Variants in GALNT13 observed in about 807,000 individuals in gnomAD.
The protein encoded by GALNT13 is polypeptide N-acetylgalactosaminyltransferase 13.
GALNT13 carries 28 observed loss-of-function variants against 64.2 expected under a neutral mutation model. The ratio of observed to expected loss-of-function variants is 0.44; its 90% CI spans 0.32 to 0.60. The LOEUF is 0.60. Ranked by LOEUF, GALNT13 falls within the 20% of genes least tolerant of loss-of-function variation. The probability of loss-of-function intolerance (pLI) is 0.05; values close to 1 mark genes in which losing one functional copy is unlikely to be tolerated. For synonymous variants in GALNT13, 214 were observed against 224.6 expected, an observed-to-expected ratio of 0.95 and a Z score of 0.42; for missense variants, 577 against 669.8, an observed-to-expected ratio of 0.86 and a Z score of 1.53.
intron 4 of GALNT13, among the ~76,000 whole-genome samples, chr2:154,185,192 G>T (rs899068489): frequency 2.6e-5 from 4 of 152,064 alleles, no homozygotes; most frequent in African/African-American, 9.7e-5. Flanking sequence ...GACATGCAGA[G>T]TGTTGGCTGA....
chr2:154,305,791 T>G (rs545091397), intron 9 of GALNT13, among the ~76,000 whole-genome samples: 5 of 152,360 alleles, frequency 3.3e-5, no homozygotes, highest in African/African-American at 9.6e-5. Context: ...CCTTGAAGTT[T>G]GATAACATGG....
the GALNT13 span, among the ~76,000 whole-genome samples, chr2:153,360,587 A>T: frequency 1.3e-5 from 2 of 152,080 alleles, no homozygotes; most frequent in Non-Finnish European, 2.9e-5. Context: ...AGCCCAACAC[A>T]CCAGCTGTGG....
chr2:153,338,706 C>T, the GALNT13 span, among the ~76,000 whole-genome samples: 1 of 152,124 alleles, frequency 6.6e-6, no homozygotes, highest in Admixed American at 6.5e-5. Context: ...CCACAATGTA[C>T]AATAGAGCTC....
chr2:153,798,779 C>T, the GALNT13 span, among the ~76,000 whole-genome samples: 18 of 152,120 alleles, frequency 1.2e-4, no homozygotes, highest in Admixed American at 9.2e-4. Flanking sequence ...TGTCATACTT[C>T]TGGTGTATTT....
At chr2:154,280,468 C>T (rs1328627689) in intron 8 of GALNT13, among the ~76,000 whole-genome samples, 1 of 152,128 alleles carries the variant, frequency 6.6e-6, no homozygotes, top group Admixed American at 6.6e-5. Flanking sequence ...AAATTTATCA[C>T]AATTCTCTAC....
At chr2:153,989,059 T>A (rs1694993827) in intron 3 of GALNT13, among the ~76,000 whole-genome samples, 1 of 60,554 alleles carries the variant, frequency 1.7e-5, no homozygotes, top group African/African-American at 6.7e-5. Context: ...TACATATTAC[T>A]GTTACATTTT....
intron 11 of GALNT13, among the ~76,000 whole-genome samples, chr2:154,429,777 C>T (rs1033961330): frequency 2.0e-5 from 3 of 152,158 alleles, no homozygotes; most frequent in Admixed American, 1.3e-4. Context: ...CAGGCTGATT[C>T]TCTTGTTAGG....
chr2:153,193,030 G>T, the GALNT13 span, among the ~76,000 whole-genome samples: 141 of 151,912 alleles, frequency 9.3e-4, 1 homozygote, highest in African/African-American at 3.1e-3. Flanking sequence ...CTGCCATTTT[G>T]TTTATTGCTT....
At chr2:153,081,733 T>G in the GALNT13 span, among the ~76,000 whole-genome samples, 1 of 152,242 alleles carries the variant, frequency 6.6e-6, no homozygotes, top group Admixed American at 6.5e-5. Context: ...TACTCCGCTA[T>G]GTACATGTAC....
intron 1 of GALNT13, among the ~76,000 whole-genome samples, chr2:153,875,523 TATC>T (rs1255085653): frequency 2.6e-5 from 4 of 152,220 alleles, no homozygotes; most frequent in Non-Finnish European, 5.9e-5. Flanking sequence ...ACTATGTTGT[TATC>T]ATGCCAAGTT....
the GALNT13 span, among the ~76,000 whole-genome samples, chr2:153,248,139 A>C: frequency 6.6e-6 from 1 of 152,188 alleles, no homozygotes; most frequent in Non-Finnish European, 1.5e-5. Flanking sequence ...AGGTACAAAG[A>C]GGAGCTGGTA....
chr2:154,082,872 T>C lies in GALNT13; in HGVS notation c.143-57465T>C, dbSNP rs570860065. The stretch of plus-strand genomic sequence containing the variant: ...CCTATTCTGTAGGTTGCCTGTTCAC[T>C]CTGGTGATAGTTTCTTTTGCTGTGC... On this transcript the variant is annotated intron_variant, in intron 3 of 12. Transcript: ENST00000392825. Among the ~76,000 whole-genome samples the C allele has an allele frequency of 2.0e-5, 3 of 152,184 alleles. No individual in the cohort carries two copies. The East Asian group carries it at 5.8e-4, about 29-fold the overall frequency.
chr2:153,847,392 G>A, the GALNT13 span, among the ~76,000 whole-genome samples: 1 of 65,758 alleles, frequency 1.5e-5, no homozygotes, highest in African/African-American at 4.2e-5. Context: ...AAATATATGT[G>A]CTCATGCGCA....
chr2:154,223,715 T>C lies in GALNT13; in HGVS notation c.312-18315T>C, dbSNP rs188126639. Among the ~76,000 whole-genome samples the C allele has an allele frequency of 1.5e-3, 233 of 152,250 alleles. 1 individual carries two copies. Among genetic ancestry groups the C allele is most frequent in the African/African-American group, 5.5e-3 (228 of 41,564 alleles). The stretch of plus-strand genomic sequence containing the variant: ...CTTTTAATAAATCATTTGGAAATTA[T>C]CTTATCTCAGGTAAAAGTATTTGTC... On this transcript the variant is annotated intron_variant, in intron 4 of 12. Coordinates refer to ENST00000392825, the MANE Select transcript of GALNT13 (RefSeq NM_052917.4).
At chr2:153,547,838 T>A in the GALNT13 span, among the ~76,000 whole-genome samples, 1 of 152,350 alleles carries the variant, frequency 6.6e-6, no homozygotes, top group Admixed American at 6.5e-5. Context: ...GCTTTTACTC[T>A]TAAAAGCACT....
the GALNT13 span, among the ~76,000 whole-genome samples, chr2:153,625,391 G>A: frequency 1.3e-5 from 2 of 152,136 alleles, no homozygotes; most frequent in African/African-American, 4.8e-5. Flanking sequence ...AGAAATTTAT[G>A]TTAGCAGAAG....
At chr2:153,599,853 C>T in the GALNT13 span, among the ~76,000 whole-genome samples, 1 of 151,804 alleles carries the variant, frequency 6.6e-6, no homozygotes, top group African/African-American at 2.4e-5. Flanking sequence ...TAAATAAATT[C>T]TTGAGTAGGA....
chr2:153,931,735 G>A (rs938519198), intron 2 of GALNT13, among the ~76,000 whole-genome samples: 7 of 152,130 alleles, frequency 4.6e-5, no homozygotes, highest in African/African-American at 1.7e-4. Flanking sequence ...TCAATGTGCT[G>A]CTGGATTCAG....
intron 9 of GALNT13, 54 bp from the exon 10 acceptor site, chr2:154,395,937 A>G: frequency 6.7e-7 from 1 of 1,486,150 alleles, no homozygotes; most frequent in Non-Finnish European, 9.0e-7. Context: ...GTAGTAAAAC[A>G]GTACTAAAAC....
Sources: gnomAD v4.1 joint callset for allele counts (sites outside exome capture counted in the v4.1 genomes callset) on GRCh38, gnomAD v4.1.1 for gene constraint, MANE v1.5 for transcripts, NCBI Gene and HGNC (gene_info 2026-07-23, HGNC 2026-07-21) for gene names.